The following SIPA1L1 variants were observed in gnomAD, a reference collection of about 807,000 sequenced individuals.
The protein encoded by SIPA1L1 is signal-induced proliferation-associated 1-like protein 1.
A neutral mutation model predicts 162.7 loss-of-function variants in SIPA1L1; 26 were observed. The ratio of observed to expected loss-of-function variants is 0.16; its 90% CI spans 0.12 to 0.22. SIPA1L1 has a LOEUF of 0.22. SIPA1L1 is among the 10% of genes least tolerant of loss of function. The probability of loss-of-function intolerance (pLI) is 1.00; values close to 1 mark genes in which losing one functional copy is unlikely to be tolerated. For synonymous variants in SIPA1L1, 829 were observed against 837.4 expected, an observed-to-expected ratio of 0.99 and a Z score of 0.17; for missense variants, 1,874 against 2,241.0, an observed-to-expected ratio of 0.84 and a Z score of 3.31.
intron 2 of SIPA1L1, among the ~76,000 whole-genome samples, chr14:71,464,137 AC>A (rs2046809607): frequency 3.3e-5 from 5 of 152,096 alleles, no homozygotes; most frequent in Admixed American, 3.3e-4. Flanking sequence ...TATCTTCTGG[AC>A]CTTCCCAGCT....
intron 10 of SIPA1L1, 97 bp from the exon 11 acceptor site, chr14:71,671,022 T>A (rs1190369831): frequency 2.1e-6 from 2 of 938,310 alleles, no homozygotes; most frequent in African/African-American, 1.7e-5. Flanking sequence ...CTATTTTGTA[T>A]CTGAGGTACA....
At chr14:71,575,396 A>C (rs547327934) in intron 4 of SIPA1L1, among the ~76,000 whole-genome samples, 3 of 152,218 alleles carry the variant, frequency 2.0e-5, no homozygotes, top group East Asian at 1.9e-4. Context: ...ATGTAGAAGA[A>C]GACGTATACT....
chr14:71,365,809 T>C (rs139465991), intron 2 of SIPA1L1, among the ~76,000 whole-genome samples: 3,261 of 151,674 alleles, frequency 0.022, 124 homozygotes, highest in African/African-American at 0.075. Flanking sequence ...CACTGCAACC[T>C]CTACCTCCCT....
At chr14:71,405,047 T>C (rs2140139726) in intron 2 of SIPA1L1, among the ~76,000 whole-genome samples, 1 of 152,322 alleles carries the variant, frequency 6.6e-6, no homozygotes, top group East Asian at 1.9e-4. Flanking sequence ...ACTCAGTAAA[T>C]AACAAGTATC....
At chr14:71,462,675 C>T (rs1016448869) in intron 2 of SIPA1L1, among the ~76,000 whole-genome samples, 1 of 152,206 alleles carries the variant, frequency 6.6e-6, no homozygotes, top group African/African-American at 2.4e-5. Context: ...TTCCCATCCT[C>T]TGGCATGCAA....
At chr14:71,471,124 G>A (rs1173723182) in intron 2 of SIPA1L1, among the ~76,000 whole-genome samples, 2 of 152,252 alleles carry the variant, frequency 1.3e-5, no homozygotes, top group African/African-American at 2.4e-5. Flanking sequence ...GATTACAGGC[G>A]TGAGCCTCCG....
At chr14:71,630,320 A>G (rs1050464958) in intron 7 of SIPA1L1, among the ~76,000 whole-genome samples, 7 of 152,206 alleles carry the variant, frequency 4.6e-5, no homozygotes, top group African/African-American at 1.2e-4. Context: ...GTGCTGGCCT[A>G]TCGCTGTTCT....
At chr14:71,351,223 T>C (rs1365071048) in intron 2 of SIPA1L1, among the ~76,000 whole-genome samples, 1 of 152,130 alleles carries the variant, frequency 6.6e-6, no homozygotes, top group African/African-American at 2.4e-5. Context: ...TAAAATTTCA[T>C]GGGAGAGGGT....
intron 5 of SIPA1L1, among the ~76,000 whole-genome samples, chr14:71,590,048 T>TATATAC (rs1160431618): frequency 1.8e-5 from 1 of 56,046 alleles, no homozygotes; most frequent in Non-Finnish European, 3.9e-5. Context: ...AAAAAAAATA[T>TATATAC]ATATATATAT....
intron 2 of SIPA1L1, among the ~76,000 whole-genome samples, chr14:71,374,562 T>G (rs1031881079): frequency 2.0e-5 from 3 of 151,912 alleles, no homozygotes; most frequent in African/African-American, 7.3e-5. Context: ...AGTATATTAT[T>G]TTTAATTTTT....
At chr14:71,345,411 A>G (rs771863283) in intron 2 of SIPA1L1, among the ~76,000 whole-genome samples, 4 of 152,166 alleles carry the variant, frequency 2.6e-5, no homozygotes, top group Admixed American at 6.5e-5. Context: ...AGCCAAGTTG[A>G]TAGACAAGTA....
intron 2 of SIPA1L1, among the ~76,000 whole-genome samples, chr14:71,426,254 TA>T (rs2043550926): frequency 6.6e-6 from 1 of 152,184 alleles, no homozygotes; most frequent in African/African-American, 2.4e-5. Context: ...TAATGACTGA[TA>T]AGGAGGCACT....
chr14:71,644,184 T>C (rs1450693778), intron 7 of SIPA1L1, among the ~76,000 whole-genome samples: 2 of 152,186 alleles, frequency 1.3e-5, no homozygotes, highest in African/African-American at 4.8e-5. Context: ...TTCTGTTAAA[T>C]GAAAAATTCA....
intron 2 of SIPA1L1, among the ~76,000 whole-genome samples, chr14:71,462,693 C>T (rs1029014238): frequency 2.6e-5 from 4 of 152,118 alleles, no homozygotes; most frequent in Admixed American, 1.3e-4. Flanking sequence ...CAAATATCTC[C>T]CCAATAAGTC....
At chr14:71,451,184 A>C (rs888570080) in intron 2 of SIPA1L1, among the ~76,000 whole-genome samples, 3 of 152,062 alleles carry the variant, frequency 2.0e-5, no homozygotes, top group African/African-American at 7.2e-5. Context: ...ACATATGCAA[A>C]ATAAAAAAGT....
intron 2 of SIPA1L1, among the ~76,000 whole-genome samples, chr14:71,439,009 G>C (rs1253935595): frequency 3.3e-5 from 5 of 151,768 alleles, no homozygotes; most frequent in Admixed American, 3.3e-4. Flanking sequence ...ACTGTTTTTT[G>C]ATTTGATTTA....
intron 4 of SIPA1L1, among the ~76,000 whole-genome samples, chr14:71,544,285 A>G (rs1192998461): frequency 9.3e-6 from 1 of 107,434 alleles, no homozygotes; most frequent in Non-Finnish European, 2.5e-5. Context: ...ACATATGTGT[A>G]TATACATATA....
At chr14:71,708,688 AT>A (rs796225663) in intron 16 of SIPA1L1, among the ~76,000 whole-genome samples, 77 of 152,038 alleles carry the variant, frequency 5.1e-4, no homozygotes, top group African/African-American at 1.8e-3. Flanking sequence ...GATAAACCTA[AT>A]TTTTTCCCCA....
intron 12 of SIPA1L1, among the ~76,000 whole-genome samples, chr14:71,677,194 T>C (rs532028597): frequency 1.2e-3 from 184 of 152,250 alleles, no homozygotes; most frequent in Non-Finnish European, 2.3e-3. Flanking sequence ...TATTTCATTG[T>C]GGTTTTGATT....
Sources: gnomAD v4.1 joint callset for allele counts (sites outside exome capture counted in the v4.1 genomes callset) on GRCh38, gnomAD v4.1.1 for gene constraint, MANE v1.5 for transcripts, NCBI Gene and HGNC (gene_info 2026-07-23, HGNC 2026-07-21) for gene names.